EFCAB13: variants seen among roughly 807,000 people sequenced by gnomAD.
EFCAB13 encodes EF-hand calcium binding domain 13.
EFCAB13 carries 91 observed loss-of-function variants against 110.2 expected under a neutral mutation model. The ratio of observed to expected loss-of-function variants is 0.83; its 90% CI spans 0.70 to 0.98. The LOEUF (loss-of-function observed/expected upper bound fraction) is 0.98. Among genes scored for constraint, EFCAB13 ranks in the 50% least tolerant of loss-of-function variants. The probability of loss-of-function intolerance (pLI) is 0.00; values close to 1 mark genes in which losing one functional copy is unlikely to be tolerated. For missense variants in EFCAB13, 968 were observed against 1,119.4 expected, an observed-to-expected ratio of 0.86 and a Z score of 1.93; for synonymous variants, 323 against 369.9, an observed-to-expected ratio of 0.87 and a Z score of 1.45.
At chr17:47,402,349 G>T (rs953894817) in intron 18 of EFCAB13, 146 bp downstream of exon 18, 8 of 708,972 alleles carry the variant, frequency 1.1e-5, no homozygotes, top group African/African-American at 1.8e-5. Flanking sequence ...ACTTGGTTTT[G>T]ATTAAACATT....
chr17:47,345,781 T>G (rs191743541), intron 8 of EFCAB13, among the ~76,000 whole-genome samples: 78 of 152,248 alleles, frequency 5.1e-4, no homozygotes, highest in African/African-American at 1.8e-3. Flanking sequence ...GACCTCTCCA[T>G]TTGGTGCCAC....
intron 9 of EFCAB13, among the ~76,000 whole-genome samples, chr17:47,356,260 A>C (rs2065479886): frequency 6.6e-6 from 1 of 152,110 alleles, no homozygotes; most frequent in African/African-American, 2.4e-5. Flanking sequence ...GGAGATGTAA[A>C]AGAACGTTGT....
At chr17:47,340,837 A>G (rs2065380587) in intron 5 of EFCAB13, among the ~76,000 whole-genome samples, 1 of 144,900 alleles carries the variant, frequency 6.9e-6, no homozygotes, top group Non-Finnish European at 1.5e-5. Context: ...GCTAGTCCCG[A>G]ACTCCCAACC....
chr17:47,427,067 C>A (rs894517034), intron 23 of EFCAB13, among the ~76,000 whole-genome samples: 2 of 152,056 alleles, frequency 1.3e-5, no homozygotes, highest in African/African-American at 4.8e-5. Flanking sequence ...ATGCCTATAT[C>A]ATATGATAGT....
At chr17:47,407,668 C>T (rs887045488) in intron 20 of EFCAB13, among the ~76,000 whole-genome samples, 2 of 152,134 alleles carry the variant, frequency 1.3e-5, no homozygotes, top group Non-Finnish European at 2.9e-5. Context: ...ATGGATGACT[C>T]CTTTGTTGAA....
intron 24 of EFCAB13, among the ~76,000 whole-genome samples, chr17:47,439,644 T>C (rs1047921165): frequency 6.6e-6 from 1 of 152,198 alleles, no homozygotes; most frequent in African/African-American, 2.4e-5. Context: ...GTATGGATTT[T>C]TGGAGACCAC....
chr17:47,357,506 C>T (rs1337340826), intron 9 of EFCAB13, among the ~76,000 whole-genome samples: 1 of 152,158 alleles, frequency 6.6e-6, no homozygotes, highest in Non-Finnish European at 1.5e-5. Flanking sequence ...CCTCTGCCTC[C>T]CTGGTTCAAG....
intron 9 of EFCAB13, among the ~76,000 whole-genome samples, chr17:47,355,539 C>A (rs543409770): frequency 1.3e-5 from 2 of 150,628 alleles, no homozygotes; most frequent in South Asian, 2.1e-4. Flanking sequence ...GGTCATTTAA[C>A]GTAATCCCAA....
At chr17:47,383,785 C>T (rs950892197) in intron 14 of EFCAB13, among the ~76,000 whole-genome samples, 3 of 152,012 alleles carry the variant, frequency 2.0e-5, no homozygotes, top group East Asian at 1.9e-4. Flanking sequence ...AGAATAAGTG[C>T]GATGAAGTGC....
intron 14 of EFCAB13, among the ~76,000 whole-genome samples, chr17:47,391,032 T>C (rs528854058): frequency 2.0e-5 from 3 of 152,238 alleles, no homozygotes; most frequent in East Asian, 3.9e-4. Flanking sequence ...CTTCATCTTC[T>C]GGGCTCAAGC....
At chr17:47,350,610 T>TC (rs566194903) in intron 9 of EFCAB13, among the ~76,000 whole-genome samples, 70 of 152,232 alleles carry the variant, frequency 4.6e-4, no homozygotes, top group African/African-American at 1.6e-3. Context: ...TGTTTTTTTT[T>TC]CTGTTGAAAT....
intron 10 of EFCAB13, among the ~76,000 whole-genome samples, chr17:47,370,155 T>G (rs905713366): frequency 2.0e-5 from 3 of 152,124 alleles, no homozygotes; most frequent in Non-Finnish European, 2.9e-5. Context: ...CTAAAAAACA[T>G]GTAAAATGAA....
At chr17:47,349,897 CCCGAGT>C (rs1402295588) in intron 9 of EFCAB13, among the ~76,000 whole-genome samples, 1 of 151,098 alleles carries the variant, frequency 6.6e-6, no homozygotes, top group Non-Finnish European at 1.5e-5. Context: ...GCCTCAGCCT[CCCGAGT>C]AGCTGGGACT....
At chr17:47,343,575 G>A (rs1307554562) in intron 6 of EFCAB13, among the ~76,000 whole-genome samples, 2 of 151,960 alleles carry the variant, frequency 1.3e-5, no homozygotes. Flanking sequence ...TCCACATCTT[G>A]CATGGTCATT....
chr17:47,327,042 C>G (rs1383094597), intron 3 of EFCAB13, among the ~76,000 whole-genome samples: 5 of 152,138 alleles, frequency 3.3e-5, no homozygotes, highest in Non-Finnish European at 1.5e-5. Context: ...AAATGTAACT[C>G]AGATGTGAGT....
At chr17:47,361,829 G>A (rs1171347291) in intron 10 of EFCAB13, among the ~76,000 whole-genome samples, 1 of 152,036 alleles carries the variant, frequency 6.6e-6, no homozygotes, top group Non-Finnish European at 1.5e-5. Context: ...GTTTCTTGTA[G>A]TATCAAGAGC....
rs148287166 is a variant in EFCAB13, at chr17:47,369,694, T to A, written c.806-743T>A. 588 of 152,426 alleles carry A rather than the reference T, an allele frequency of 3.9e-3. 3 individuals are homozygous for A. The Middle Eastern group carries it at 0.048, about 12-fold the overall frequency. The allele number at this position is 152,426 out of a possible 1,614,324, so 9.4% of individuals were successfully genotyped here. On this transcript the variant is annotated intron_variant, in intron 10 of 24. Coordinates refer to ENST00000331493, the MANE Select transcript of EFCAB13 (RefSeq NM_152347.5). ...AAGAAAAAACCATCACTATTATAGA[T>A]AAGTAAATTTTCAGTCTTTTTCATC... is the stretch of plus-strand genomic sequence containing the variant.
At chr17:47,361,164 T>G (rs1168185061) in intron 9 of EFCAB13, among the ~76,000 whole-genome samples, 1 of 152,216 alleles carries the variant, frequency 6.6e-6, no homozygotes, top group Non-Finnish European at 1.5e-5. Flanking sequence ...ATTGTTAACA[T>G]AAGAATATGA....
chr17:47,397,623 C>T (rs2065748879), intron 17 of EFCAB13, among the ~76,000 whole-genome samples: 1 of 151,556 alleles, frequency 6.6e-6, no homozygotes, highest in Non-Finnish European at 1.5e-5. Context: ...CTCTGCCCGG[C>T]CGCCCATCGT....
Sources: gnomAD v4.1 joint callset for allele counts (sites outside exome capture counted in the v4.1 genomes callset) on GRCh38, gnomAD v4.1.1 for gene constraint, MANE v1.5 for transcripts, NCBI Gene and HGNC (gene_info 2026-07-23, HGNC 2026-07-21) for gene names.